ZNF208: variants seen among roughly 807,000 people sequenced by gnomAD.
The protein encoded by ZNF208 is zinc finger protein 95.
In ZNF208, 10 loss-of-function variants were observed where a neutral mutation model predicts 12.1. The observed-to-expected ratio is 0.83, with a 90% CI of 0.51 to 1.40. The LOEUF (loss-of-function observed/expected upper bound fraction) is 1.40, where lower values mean the gene tolerates loss of function less well. Among genes scored for constraint, ZNF208 ranks in the 40% most tolerant of loss-of-function variants. The pLI, the probability that ZNF208 is intolerant of heterozygous loss-of-function variation, is 0.00. For missense variants in ZNF208, 1,652 were observed against 1,485.0 expected, an observed-to-expected ratio of 1.11 and a Z score of -1.85; for synonymous variants, 497 against 488.4, an observed-to-expected ratio of 1.02 and a Z score of -0.23.
intron 1 of ZNF208, among the ~76,000 whole-genome samples, chr19:21,990,653 G>C (rs561492425): frequency 3.9e-5 from 6 of 152,268 alleles, no homozygotes; most frequent in African/African-American, 1.4e-4. Context: ...GCTTGATGGA[G>C]ATGGCATTGA....
intron 4 of ZNF208, among the ~76,000 whole-genome samples, chr19:21,957,957 G>T (rs549718871): frequency 1.3e-5 from 2 of 151,898 alleles, no homozygotes; most frequent in South Asian, 4.1e-4. Flanking sequence ...TTAGCATTAG[G>T]TATATCTCCT....
At chr19:21,958,184 AAAACT>A (rs1970007482) in intron 4 of ZNF208, among the ~76,000 whole-genome samples, 1 of 151,860 alleles carries the variant, frequency 6.6e-6, no homozygotes, top group Admixed American at 6.6e-5. Context: ...TAACAAAAAA[AAAACT>A]AAAAGAAAGT....
intron 1 of ZNF208, among the ~76,000 whole-genome samples, chr19:22,008,421 A>G (rs999598739): frequency 6.6e-6 from 1 of 152,058 alleles, no homozygotes; most frequent in African/African-American, 2.4e-5. Flanking sequence ...ATTACTTGAG[A>G]GATTCTCCCA....
intron 4 of ZNF208, among the ~76,000 whole-genome samples, chr19:21,943,680 A>G (rs906969556): frequency 6.6e-6 from 1 of 152,196 alleles, no homozygotes; most frequent in Non-Finnish European, 1.5e-5. Context: ...TGTGAAACAA[A>G]AAAAATGAGA....
intron 2 of ZNF208, among the ~76,000 whole-genome samples, chr19:21,988,321 T>C (rs1970661171): frequency 6.6e-6 from 1 of 152,158 alleles, no homozygotes; most frequent in African/African-American, 2.4e-5. Flanking sequence ...GCTGAAAGCC[T>C]GAGGGTCATG....
chr19:21,949,308 A>C (rs1254644176), intron 4 of ZNF208, among the ~76,000 whole-genome samples: 1 of 152,216 alleles, frequency 6.6e-6, no homozygotes, highest in Non-Finnish European at 1.5e-5. Context: ...TCCTCAATTT[A>C]TTAGCTGAAA....
Position 21,971,197 on chromosome 19 carries a change from T to C in ZNF208, c.3837A>G (p.Lys1279=), listed in dbSNP as rs777402004. 3.7e-6 allele frequency: 6 copies of C among 1,611,652 alleles called. No homozygotes were observed. In the African/African-American group the frequency reaches 6.7e-5, roughly 18 times the overall value. The change falls in exon 4 of 4, where the codon AAA becomes AAG. Residue 1279 remains lysine, a synonymous_variant. Coordinates refer to ENST00000397126, the MANE Select transcript of ZNF208 (RefSeq NM_007153.3). ...TGCCACATTCTTCACATTTCTAGAG[T>C]TTCTCTCCAGTATGAATTTTCTTAT... ...SKHKKIHTGE[K]L
intron 1 of ZNF208, among the ~76,000 whole-genome samples, chr19:21,992,630 T>A (rs577672438): frequency 1.3e-5 from 2 of 152,328 alleles, no homozygotes; most frequent in South Asian, 4.1e-4. Flanking sequence ...GAATTTTGAG[T>A]GTCTACATCT....
Position 21,973,549 on chromosome 19 carries a change from T to G in ZNF208, c.1485A>C (p.Lys495Asn), listed in dbSNP as rs1970354697. Residue 495 changes from lysine to asparagine, a missense_variant, in exon 4 of 4, where the codon AAA (lysine) becomes AAC (asparagine). By Grantham distance (94) the Lys-to-Asn change is moderately conservative. Transcript: ENST00000397126. ...ECDKATHAGE[K>N]PYKCEECGKA... ...TGCCACATTCTTCACATTTGTAGGG[T>G]TTCTCTCCAGCATGAGTTGCCTTAT... 6.2e-7 allele frequency: 1 copy of G among 1,612,626 alleles called. No homozygotes were observed. Among genetic ancestry groups the G allele is most frequent in the Non-Finnish European group, 8.5e-7 (1 of 1,179,622 alleles).
In ZNF208 at chr19:21,972,160, T is replaced by A. The variant is rs1281242124; in HGVS notation, c.2874A>T (p.Ser958=). Residue 958 remains serine (S), a synonymous_variant, in exon 4 of 4, where the codon TCA becomes TCT. Transcript: ENST00000397126. The part of the protein sequence containing the change: ...EACGKAYKSS[S]TLSYHKKIHT... ...GAATTTTCTTATGATAACTAAGGGT[T>A]GAGGATGACTTATAGGCTTTGCCAC... The A allele has an allele frequency of 2.5e-6, 4 of 1,610,942 alleles. No individual in the cohort carries two copies. In the Admixed American group the frequency reaches 6.7e-5, roughly 27 times the overall value.
At chr19:21,955,706 GT>G (rs1969962732) in intron 4 of ZNF208, among the ~76,000 whole-genome samples, 1 of 152,036 alleles carries the variant, frequency 6.6e-6, no homozygotes, top group Non-Finnish European at 1.5e-5. Flanking sequence ...TCTCTATGCT[GT>G]TTATTCTAGT....
At chr19:21,957,820 A>T (rs1199682110) in intron 4 of ZNF208, among the ~76,000 whole-genome samples, 2 of 151,548 alleles carry the variant, frequency 1.3e-5, no homozygotes, top group Non-Finnish European at 2.9e-5. Flanking sequence ...GCTTTTTTTT[A>T]AATTTTATTT....
intron 4 of ZNF208, among the ~76,000 whole-genome samples, chr19:21,950,491 C>CTTT (rs59845229): frequency 5.2e-4 from 71 of 137,780 alleles, no homozygotes; most frequent in African/African-American, 1.7e-3. Context: ...TAGCCCTGTT[C>CTTT]TTTTTTTTTT....
chr19:21,977,929 G>A (rs1261726413), intron 3 of ZNF208, among the ~76,000 whole-genome samples: 2 of 152,148 alleles, frequency 1.3e-5, no homozygotes, highest in South Asian at 4.1e-4. Context: ...GGCTTGAGTA[G>A]GCAGCTTTAC....
intron 4 of ZNF208, among the ~76,000 whole-genome samples, chr19:21,958,278 A>C (rs992281720): frequency 4.6e-5 from 7 of 152,156 alleles, no homozygotes; most frequent in Non-Finnish European, 7.4e-5. Flanking sequence ...ATGACATTTT[A>C]AACCTACCCG....
At chr19:21,957,811 C>T (rs551583473) in intron 4 of ZNF208, among the ~76,000 whole-genome samples, 3 of 151,688 alleles carry the variant, frequency 2.0e-5, no homozygotes, top group African/African-American at 4.8e-5. Flanking sequence ...TTGTGAGTAG[C>T]TTTTTTTTAA....
chr19:21,957,821 AATTTT>A (rs1205719785), intron 4 of ZNF208, among the ~76,000 whole-genome samples: 12 of 150,882 alleles, frequency 8.0e-5, no homozygotes, highest in South Asian at 6.2e-4. Context: ...CTTTTTTTTA[AATTTT>A]ATTTTATTTT....
At chr19:21,991,379 AATAAAGT>A (rs1332001486) in intron 1 of ZNF208, 2 of 152,208 alleles carry the variant, frequency 1.3e-5, no homozygotes, top group African/African-American at 4.8e-5. Flanking sequence ...TTTTCTAGAT[AATAAAGT>A]ATAAACTGAG....
chr19:21,948,509 T>C (rs1969845841), intron 4 of ZNF208, among the ~76,000 whole-genome samples: 1 of 152,108 alleles, frequency 6.6e-6, no homozygotes, highest in African/African-American at 2.4e-5. Context: ...TACCCATATA[T>C]CATCAGCTCC....
Sources: allele counts gnomAD v4.1 joint callset (sites outside exome capture counted in the v4.1 genomes callset), GRCh38; gene constraint gnomAD v4.1.1; transcripts MANE v1.5; gene names NCBI Gene and HGNC (gene_info 2026-07-23, HGNC 2026-07-21).